The following SUSD4 variants were observed in gnomAD, a reference collection of about 807,000 sequenced individuals.
The protein encoded by SUSD4 is sushi domain-containing protein 4.
Under a neutral mutation model 50.5 loss-of-function variants are expected in SUSD4, and 41 were observed. The ratio of observed to expected loss-of-function variants is 0.81; its 90% CI spans 0.63 to 1.05. The LOEUF (loss-of-function observed/expected upper bound fraction) is 1.05, where lower values mean the gene tolerates loss of function less well. SUSD4 is among the 50% of genes least tolerant of loss of function. SUSD4 has a pLI of 0.00. For synonymous variants in SUSD4, 257 were observed against 257.3 expected, an observed-to-expected ratio of 1.00 and a Z score of 0.01; for missense variants, 580 against 634.7, an observed-to-expected ratio of 0.91 and a Z score of 0.93.
intron 2 of SUSD4, among the ~76,000 whole-genome samples, chr1:223,347,430 TC>T (rs1473692810): frequency 6.6e-6 from 1 of 152,072 alleles, no homozygotes; most frequent in Non-Finnish European, 1.5e-5. Context: ...TCACAAATTC[TC>T]CCCTCTTCAC....
chr1:223,347,585 A>C (rs1282478542), intron 2 of SUSD4, among the ~76,000 whole-genome samples: 1 of 152,014 alleles, frequency 6.6e-6, no homozygotes, highest in East Asian at 1.9e-4. Flanking sequence ...TTGGGGGATC[A>C]GTAGATCCCC....
intron 5 of SUSD4, among the ~76,000 whole-genome samples, chr1:223,239,932 C>T (rs1268765313): frequency 2.0e-5 from 3 of 152,122 alleles, no homozygotes; most frequent in African/African-American, 7.2e-5. Flanking sequence ...TTCTTTATCT[C>T]TAAAGAACTT....
intron 2 of SUSD4, among the ~76,000 whole-genome samples, chr1:223,303,734 G>A (rs566374036): frequency 6.6e-6 from 1 of 152,286 alleles, no homozygotes; most frequent in African/African-American, 2.4e-5. Context: ...TTTAGTGAGG[G>A]CAGGGGAAGG....
chr1:223,315,737 C>T (rs825125), intron 2 of SUSD4, among the ~76,000 whole-genome samples: 23,000 of 152,020 alleles, frequency 0.15, 2,092 homozygotes, highest in East Asian at 0.25. Flanking sequence ...AAAATTTTTC[C>T]GCTATTTCTC....
At position 223,254,493 on chromosome 1, in the gene SUSD4, C is replaced by A. The variant is rs933646094; in HGVS notation, c.724+10137G>T. On this transcript the variant is annotated intron_variant, in intron 5 of 8. Coordinates refer to ENST00000366878, the MANE Select transcript of SUSD4 (RefSeq NM_017982.4). The stretch of plus-strand genomic sequence containing the variant: ...GCTGAGACAGGAGCCTGCCAAGGGT[C>A]TTAAGCTAGTGAACAGCAGATTCGG... Among the ~76,000 whole-genome samples the A allele has an allele frequency of 3.1e-4, 47 of 152,070 alleles. 1 individual carries two copies. Among genetic ancestry groups the A allele is most frequent in the African/African-American group, 1.1e-3 (47 of 41,402 alleles).
intron 2 of SUSD4, among the ~76,000 whole-genome samples, chr1:223,305,233 G>A (rs34283624): frequency 0.43 from 65,582 of 151,704 alleles, 14,688 homozygotes; most frequent in African/African-American, 0.55. Flanking sequence ...CTAAGAGACA[G>A]CAGCCAGCTC....
At chr1:223,249,186 A>C (rs931631539) in intron 5 of SUSD4, among the ~76,000 whole-genome samples, 1 of 152,218 alleles carries the variant, frequency 6.6e-6, no homozygotes, top group African/African-American at 2.4e-5. Flanking sequence ...TACAGTCAGG[A>C]CTCCTAAAGG....
chr1:223,295,538 T>C (rs1319561850), intron 2 of SUSD4, among the ~76,000 whole-genome samples: 1 of 151,968 alleles, frequency 6.6e-6, no homozygotes, highest in African/African-American at 2.4e-5. Flanking sequence ...GTGGGATCCT[T>C]GTGAAGAGTA....
intron 3 of SUSD4, among the ~76,000 whole-genome samples, chr1:223,288,541 C>T (rs1405434864): frequency 6.6e-6 from 1 of 152,104 alleles, no homozygotes; most frequent in Non-Finnish European, 1.5e-5. Flanking sequence ...TCACCCAAAC[C>T]AGGAGCTGAG....
rs1659161585 is a variant in SUSD4, at chr1:223,221,977, A to G, written c.*215T>C. 7.6e-6 allele frequency: 4 copies of G among 523,234 alleles called. No homozygotes were observed. The highest frequency in any genetic ancestry group is 6.4e-5 in the South Asian group (2 of 31,176). The allele number at this position is 523,234 out of a possible 1,614,324, so 32.4% of individuals were successfully genotyped here. On this transcript the variant is annotated 3_prime_UTR_variant, in exon 9 of 9. Transcript: ENST00000366878. ...GGCTTCCCTGCTGCCCCGGTTCCCC[A>G]TGGGTCTTGGTGAATCCTCAAATCT...
At chr1:223,245,830 G>T (rs1400090002) in intron 5 of SUSD4, among the ~76,000 whole-genome samples, 1 of 152,182 alleles carries the variant, frequency 6.6e-6, no homozygotes, top group Non-Finnish European at 1.5e-5. Flanking sequence ...TTGGTGATTA[G>T]GCGGCTAGGA....
chr1:223,247,913 T>C (rs1661047435), intron 5 of SUSD4, among the ~76,000 whole-genome samples: 1 of 152,190 alleles, frequency 6.6e-6, no homozygotes. Context: ...GTGGAGCCAG[T>C]ATGCAAATTA....
intron 3 of SUSD4, among the ~76,000 whole-genome samples, chr1:223,270,842 T>A (rs1007683095): frequency 6.6e-6 from 1 of 152,090 alleles, no homozygotes; most frequent in Non-Finnish European, 1.5e-5. Context: ...ATTACAGGGG[T>A]AAGCCACCAC....
intron 5 of SUSD4, among the ~76,000 whole-genome samples, chr1:223,239,062 C>T (rs760050099): frequency 3.3e-5 from 5 of 151,854 alleles, no homozygotes; most frequent in Non-Finnish European, 5.9e-5. Context: ...GGGAATTGAC[C>T]CCTTTGTTTC....
At chr1:223,311,310 T>C (rs1210983397) in intron 2 of SUSD4, among the ~76,000 whole-genome samples, 1 of 152,218 alleles carries the variant, frequency 6.6e-6, no homozygotes, top group African/African-American at 2.4e-5. Context: ...GTTGACGAAA[T>C]ACCACCAGTT....
rs570586306 is a variant in SUSD4 at position 223,221,161 on chromosome 1, A to G, written c.*1031T>C. The G allele has an allele frequency of 3.7e-5, 15 of 400,828 alleles. No homozygotes were observed. The East Asian group carries it at 4.3e-4, about 11-fold the overall frequency. 24.8% of individuals were successfully genotyped at this position (400,828 alleles called of 1,614,324 possible). ...TGGGAGGCCAGCCTCCTGGAATCTT[A>G]GGACAAATAAAAGGGGGAAAAATCC... On this transcript the variant is annotated 3_prime_UTR_variant, in exon 9 of 9. Transcript: ENST00000366878.
intron 2 of SUSD4, among the ~76,000 whole-genome samples, chr1:223,358,486 C>G (rs992914561): frequency 6.6e-6 from 1 of 152,206 alleles, no homozygotes; most frequent in South Asian, 2.1e-4. Context: ...AGTTTCCCAT[C>G]TAAAGGCAAG....
chr1:223,291,112 C>T (rs951073466), intron 3 of SUSD4, among the ~76,000 whole-genome samples: 1 of 152,040 alleles, frequency 6.6e-6, no homozygotes, highest in Non-Finnish European at 1.5e-5. Context: ...AAAATAAAAG[C>T]AAAGATAGCA....
At chr1:223,310,784 G>A (rs1184559603) in intron 2 of SUSD4, among the ~76,000 whole-genome samples, 2 of 152,204 alleles carry the variant, frequency 1.3e-5, no homozygotes, top group Admixed American at 6.5e-5. Context: ...TAAATTGAGG[G>A]TAGGTCAGAA....
Sources: gnomAD v4.1 joint callset for allele counts (sites outside exome capture counted in the v4.1 genomes callset) on GRCh38, gnomAD v4.1.1 for gene constraint, MANE v1.5 for transcripts, NCBI Gene and HGNC (gene_info 2026-07-23, HGNC 2026-07-21) for gene names.